C8orf89: variants seen among roughly 807,000 people sequenced by gnomAD.
The protein encoded by C8orf89 is putative uncharacterized protein C8orf89.
C8orf89 carries 14 observed loss-of-function variants against 15.8 expected under a neutral mutation model. The ratio of observed to expected loss-of-function variants is 0.89; its 90% CI spans 0.59 to 1.39. The LOEUF (loss-of-function observed/expected upper bound fraction) is 1.39, where lower values mean the gene tolerates loss of function less well. C8orf89 is among the 40% of genes most tolerant of loss of function. The pLI is 0.00. For synonymous variants in C8orf89, 55 were observed against 62.2 expected, an observed-to-expected ratio of 0.88 and a Z score of 0.54; for missense variants, 181 against 184.5, an observed-to-expected ratio of 0.98 and a Z score of 0.11.
At chr8:73,260,271 C>A (rs545824671), upstream of C8orf89, among the ~76,000 whole-genome samples, 1 of 151,280 alleles carries the variant, frequency 6.6e-6, no homozygotes, top group Non-Finnish European at 1.5e-5. Flanking sequence ...CTGATCTCGG[C>A]AAACTATCGC....
the C8orf89 span, among the ~76,000 whole-genome samples, chr8:73,268,369 C>T: frequency 6.6e-6 from 1 of 152,030 alleles, no homozygotes; most frequent in Non-Finnish European, 1.5e-5. Flanking sequence ...ATCCCAGCTA[C>T]TCAGGAGGCT....
At chr8:73,245,025 A>T (rs1813093444) in intron 3 of C8orf89, among the ~76,000 whole-genome samples, 1 of 152,330 alleles carries the variant, frequency 6.6e-6, no homozygotes, top group East Asian at 1.9e-4. Flanking sequence ...GAGGCCTCAC[A>T]ATCACACCAG....
At chr8:73,270,715 G>A in the C8orf89 span, among the ~76,000 whole-genome samples, 1 of 151,970 alleles carries the variant, frequency 6.6e-6, no homozygotes. Context: ...AGACCAGCCT[G>A]GGAAACACAG....
chr8:73,243,819 C>T (rs559262358), intron 3 of C8orf89, among the ~76,000 whole-genome samples: 26 of 152,212 alleles, frequency 1.7e-4, no homozygotes, highest in African/African-American at 5.8e-4. Context: ...CATGAGCCAC[C>T]GCACTCAGTT....
At chr8:73,275,069 T>C in the C8orf89 span, among the ~76,000 whole-genome samples, 1 of 152,160 alleles carries the variant, frequency 6.6e-6, no homozygotes, top group Admixed American at 6.5e-5. Context: ...TACCTAAAAT[T>C]GGATTCACTG....
chr8:73,258,512 T>C (rs147636338), intron 1 of C8orf89, among the ~76,000 whole-genome samples: 2 of 150,498 alleles, frequency 1.3e-5, no homozygotes, highest in Admixed American at 1.3e-4. Flanking sequence ...TAAGGGGGAA[T>C]AACTATTAAT....
chr8:73,285,808 G>A, the C8orf89 span, among the ~76,000 whole-genome samples: 1 of 152,168 alleles, frequency 6.6e-6, no homozygotes, highest in South Asian at 2.1e-4. Context: ...GCGTCGGGGC[G>A]GGACAGGTGA....
At chr8:73,258,528 C>G (rs555024601) in intron 1 of C8orf89, among the ~76,000 whole-genome samples, 6 of 151,634 alleles carry the variant, frequency 4.0e-5, no homozygotes, top group Non-Finnish European at 7.4e-5. Flanking sequence ...TTAATATACT[C>G]ATCTACATGT....
the C8orf89 span, among the ~76,000 whole-genome samples, chr8:73,281,335 T>A: frequency 1.3e-5 from 2 of 152,078 alleles, no homozygotes; most frequent in Admixed American, 1.3e-4. Context: ...TGAAAATAAC[T>A]CAAATGTCAA....
At chr8:73,252,780 C>T (rs1813276249) in intron 2 of C8orf89, among the ~76,000 whole-genome samples, 1 of 152,152 alleles carries the variant, frequency 6.6e-6, no homozygotes, top group African/African-American at 2.4e-5. Flanking sequence ...AAATCCTCCC[C>T]TAAAGGGAGG....
At chr8:73,250,218 G>A (rs1365120300) in intron 3 of C8orf89, 50 bp downstream of exon 3, 1 of 1,150,270 alleles carries the variant, frequency 8.7e-7, no homozygotes, top group Admixed American at 2.4e-5. Flanking sequence ...AAAAAGATAA[G>A]GTATATGACA....
At chr8:73,260,272 A>G (rs1186932558), upstream of C8orf89, among the ~76,000 whole-genome samples, 5 of 152,152 alleles carry the variant, frequency 3.3e-5, no homozygotes, top group Non-Finnish European at 7.3e-5. Flanking sequence ...TGATCTCGGC[A>G]AACTATCGCA....
chr8:73,256,852 TA>T (rs34481187), intron 2 of C8orf89, 120 bp downstream of exon 2: 92,499 of 448,970 alleles, frequency 0.21, 1,161 homozygotes, highest in East Asian at 0.26. Context: ...ATCCTTTATG[TA>T]AAAAAAAAAA....
chr8:73,285,491 G>A, the C8orf89 span, among the ~76,000 whole-genome samples: 1 of 152,202 alleles, frequency 6.6e-6, no homozygotes, highest in Non-Finnish European at 1.5e-5. Context: ...CTTCGTGGGA[G>A]GGAGTGGGAC....
At chr8:73,250,070 A>T (rs533008100) in intron 3 of C8orf89, among the ~76,000 whole-genome samples, 198 bp downstream of exon 3, 1 of 152,168 alleles carries the variant, frequency 6.6e-6, no homozygotes, top group Non-Finnish European at 1.5e-5. Context: ...ATGAGGGCCT[A>T]CCCTTGAGTC....
chr8:73,248,415 C>T (rs951119304), intron 3 of C8orf89, among the ~76,000 whole-genome samples: 1 of 151,300 alleles, frequency 6.6e-6, no homozygotes, highest in Non-Finnish European at 1.5e-5. Flanking sequence ...ATTGCCTTGG[C>T]TATTTTGGCT....
chr8:73,263,021 A>T (rs1813558118), upstream of C8orf89, among the ~76,000 whole-genome samples: 1 of 152,140 alleles, frequency 6.6e-6, no homozygotes, highest in Non-Finnish European at 1.5e-5. Flanking sequence ...AAACACACAC[A>T]CACACGTAGG....
intron 2 of C8orf89, among the ~76,000 whole-genome samples, chr8:73,256,726 C>CAAAAAAAAAAAAAAAAAAAAAAA (rs11288188): frequency 2.3e-5 from 1 of 43,702 alleles, no homozygotes; most frequent in African/African-American, 7.9e-5. Flanking sequence ...GACTCTGTCT[C>CAAAAAAAAAAAAAAAAAAAAAAA]AAAAAAAAAA....
the C8orf89 span, among the ~76,000 whole-genome samples, chr8:73,282,276 TACA>T: frequency 1.3e-5 from 2 of 152,128 alleles, no homozygotes; most frequent in Non-Finnish European, 2.9e-5. Flanking sequence ...TAGCCACTTA[TACA>T]ACTATAATAC....
Sources: allele counts gnomAD v4.1 joint callset (sites outside exome capture counted in the v4.1 genomes callset), GRCh38; gene constraint gnomAD v4.1.1; transcripts MANE v1.5; gene names NCBI Gene and HGNC (gene_info 2026-07-23, HGNC 2026-07-21).